The following PDE5A variants were observed in gnomAD, a reference collection of about 807,000 sequenced individuals.
PDE5A encodes the protein phosphodiesterase 5A, also known as cGMP-specific 3',5'-cyclic phosphodiesterase.
A neutral mutation model predicts 110.2 loss-of-function variants in PDE5A; 67 were observed. That is an observed-to-expected ratio of 0.61 (90% CI 0.50 to 0.75). The LOEUF (loss-of-function observed/expected upper bound fraction) is 0.75. Among genes scored for constraint, PDE5A ranks in the 30% least tolerant of loss-of-function variants. The pLI is 0.00. For missense variants in PDE5A, 862 were observed against 1,045.1 expected (o/e 0.82, Z 2.42); for synonymous variants, 328 against 351.2 (o/e 0.93, Z 0.74).
Position 119,565,333 on chromosome 4 carries a change from G to T in PDE5A, c.981C>A (p.Asn327Lys). 6.2e-7 allele frequency: 1 copy of T among 1,608,582 alleles called. No individual in the cohort carries two copies. The highest frequency in any genetic ancestry group is 8.5e-7 in the Non-Finnish European group (1 of 1,175,834). Reference protein sequence around the residue: ...AQLYETSLLENKRNQVLLDLA... With the variant: ...AQLYETSLLEKKRNQVLLDLA... Reference sequence around the variant, plus strand: ...TAATCAGACTGACCTGATTTCTCTTGTTCTCCAGCAGTGAAGTCTCATAGA... The same window carrying T: ...TAATCAGACTGACCTGATTTCTCTTTTTCTCCAGCAGTGAAGTCTCATAGA... The change falls in exon 5 of 21, where the codon AAC (asparagine) becomes AAA (lysine). Residue 327 changes from asparagine (N) to lysine (K), a missense_variant. Asn to Lys is a moderately conservative substitution (Grantham distance 94). Transcript: ENST00000354960.
chr4:119,606,786 G>T lies in PDE5A; in HGVS notation c.664C>A (p.Arg222Ser). 6.2e-7 allele frequency: 1 copy of T among 1,614,150 alleles called. No homozygotes were observed. The highest frequency in any genetic ancestry group is 8.5e-7 in the Non-Finnish European group (1 of 1,180,034). Residue 222 changes from arginine to serine, a missense_variant, in exon 2 of 21, where the codon CGC becomes AGC. Arg to Ser is a moderately radical substitution (Grantham distance 110). Transcript: ENST00000354960. ...ACAATGCCTTTGTTCCATTCTAAGC[G>T]GATACAGTTATTTGAAACTTCTTCC... is the stretch of plus-strand genomic sequence containing the variant. ...TLEEVSNNCI[R>S]LEWNKGIVGH...
At chr4:119,542,768 A>AC (rs909947168) in intron 9 of PDE5A, 134 bp from the exon 10 acceptor site, 2 of 714,386 alleles carry the variant, frequency 2.8e-6, no homozygotes, top group African/African-American at 3.6e-5. Context: ...AAGCAAATTA[A>AC]CCCCCACAAA....
intron 16 of PDE5A, 117 bp downstream of exon 16, chr4:119,507,487 G>A (rs1205237507): frequency 4.5e-6 from 3 of 668,032 alleles, no homozygotes; most frequent in Non-Finnish European, 7.6e-6. Flanking sequence ...TCCGTATTCT[G>A]ATAAGCAGTT....
Position 119,627,969 on chromosome 4 carries a change from A to C in PDE5A, c.152+551T>G. The C allele has an allele frequency of 1.2e-6, 1 of 838,846 alleles. No homozygotes were observed. The highest frequency in any genetic ancestry group is 1.4e-6 in the Non-Finnish European group (1 of 695,812). The allele number at this position is 838,846 out of a possible 1,614,324, so 52.0% of individuals were successfully genotyped here. On this transcript the variant is annotated intron_variant, in intron 1 of 20. Transcript: ENST00000354960. This position sits in a 1 kb window ranked among gnomAD's most constrained non-coding sequence, Gnocchi z 4.6. ...CGCGCGGGACAAGCAGGAGACTGGA[A>C]GGGGGGAAAAGGCAACCGCACTCAC...
rs1725173370 is a variant in PDE5A at position 119,498,588 on chromosome 4, T to C, written c.*13A>G. ...CATCTCTGTAAACTTCAACTCTGCA[T>C]GAAATAGGCCACTCAGTTCCGCTTG... On this transcript the variant is annotated 3_prime_UTR_variant, in exon 21 of 21. Coordinates refer to ENST00000354960, the MANE Select transcript of PDE5A (RefSeq NM_001083.4). 3 of 1,613,710 alleles carry C rather than the reference T, an allele frequency of 1.9e-6. No individual in the cohort carries two copies. The highest frequency in any genetic ancestry group is 2.7e-5 in the African/African-American group (2 of 74,918).
intron 10 of PDE5A, among the ~76,000 whole-genome samples, chr4:119,540,008 G>C (rs1366561538): frequency 6.6e-6 from 1 of 151,996 alleles, no homozygotes; most frequent in Non-Finnish European, 1.5e-5. Flanking sequence ...AACACTTCTG[G>C]TCTCAAGCAT....
At chr4:119,613,671 A>G (rs1412550441) in intron 1 of PDE5A, among the ~76,000 whole-genome samples, 1 of 152,120 alleles carries the variant, frequency 6.6e-6, no homozygotes, top group Non-Finnish European at 1.5e-5. Context: ...CTGGGTAATC[A>G]CTTCGATGGT....
intron 3 of PDE5A, among the ~76,000 whole-genome samples, chr4:119,585,210 G>T (rs1238543990): frequency 6.6e-6 from 1 of 151,868 alleles, no homozygotes; most frequent in African/African-American, 2.4e-5. Flanking sequence ...GGGAGATGGG[G>T]GTTGCAGTGA....
At chr4:119,508,622 A>C (rs1725636300) in intron 15 of PDE5A, among the ~76,000 whole-genome samples, 1 of 152,042 alleles carries the variant, frequency 6.6e-6, no homozygotes, top group African/African-American at 2.4e-5. Context: ...CATGGATCTA[A>C]TTAATGACAA....
chr4:119,577,052 T>C (rs2110517623), intron 3 of PDE5A, among the ~76,000 whole-genome samples: 1 of 152,220 alleles, frequency 6.6e-6, no homozygotes, highest in South Asian at 2.1e-4. Flanking sequence ...GAGACTACTA[T>C]AAACACCTCT....
At chr4:119,508,448 G>A (rs1293616569) in intron 15 of PDE5A, among the ~76,000 whole-genome samples, 3 of 151,944 alleles carry the variant, frequency 2.0e-5, no homozygotes. Flanking sequence ...TCTGTAAGTT[G>A]AGTCAGATGT....
chr4:119,502,882 A>C (rs1342305510), intron 18 of PDE5A, among the ~76,000 whole-genome samples: 2 of 151,920 alleles, frequency 1.3e-5, no homozygotes, highest in African/African-American at 4.8e-5. Context: ...GTAGCTTCCA[A>C]CATTTTTCCC....
At chr4:119,538,779 T>C (rs774852590) in intron 11 of PDE5A, 181 bp downstream of exon 11, 8 of 615,776 alleles carry the variant, frequency 1.3e-5, no homozygotes, top group Non-Finnish European at 2.3e-5. Flanking sequence ...TCATACACTA[T>C]ATTACACAGT....
rs115853114 is a variant in PDE5A, at chr4:119,590,028, A to G, written c.831+6495T>C. On this transcript the variant is annotated intron_variant, in intron 3 of 20. Coordinates refer to ENST00000354960, the MANE Select transcript of PDE5A (RefSeq NM_001083.4). ...GGGAAGCAGAGTGCAGCCATCATCC[A>G]TAGCAGACTTTTAAGAAATGCTCTT... 7.5e-3 allele frequency among the ~76,000 whole-genome samples: 1,137 copies of G among 152,308 alleles called. 19 individuals carry two copies. The highest frequency in any genetic ancestry group is 0.026 in the African/African-American group (1,076 of 41,556).
In PDE5A at chr4:119,525,726, G is replaced by C; in HGVS notation, c.1633-31C>G. Reference sequence around the variant, plus strand: ...GTAAGGAAAGAAGAAAAAAAAAAATGCTGTTAATTAAAGCAGCAGTGATTT... The same window carrying C: ...GTAAGGAAAGAAGAAAAAAAAAAATCCTGTTAATTAAAGCAGCAGTGATTT... On this transcript the variant is annotated intron_variant, in intron 11 of 20. Coordinates refer to ENST00000354960, the MANE Select transcript of PDE5A (RefSeq NM_001083.4). The surrounding 1 kb of genome is among the most constrained non-coding windows in gnomAD (Gnocchi z 4.3). 2 of 1,572,732 alleles carry C rather than the reference G, an allele frequency of 1.3e-6. No individual in the cohort carries two copies. Among genetic ancestry groups the C allele is most frequent in the South Asian group, 1.1e-5 (1 of 87,694 alleles).
chr4:119,595,489 T>C (rs1729121719), intron 3 of PDE5A, among the ~76,000 whole-genome samples: 1 of 152,168 alleles, frequency 6.6e-6, no homozygotes, highest in Admixed American at 6.5e-5. Context: ...GTGAAAAAGA[T>C]TCTCCCTCAC....
At chr4:119,517,076 C>A (rs1285958913) in intron 14 of PDE5A, 2 of 152,166 alleles carry the variant, frequency 1.3e-5, no homozygotes, top group Non-Finnish European at 2.9e-5. Context: ...CAAGGGGCAA[C>A]TTTCTATTGG....
At chr4:119,617,623 A>T (rs1462699750) in intron 1 of PDE5A, among the ~76,000 whole-genome samples, 1 of 152,200 alleles carries the variant, frequency 6.6e-6, no homozygotes, top group Non-Finnish European at 1.5e-5. Flanking sequence ...TTGACAAGGC[A>T]AAGTAAACTT....
At chr4:119,616,971 A>C (rs1037220041) in intron 1 of PDE5A, among the ~76,000 whole-genome samples, 1 of 152,216 alleles carries the variant, frequency 6.6e-6, no homozygotes, top group East Asian at 1.9e-4. Context: ...AATAGTGCCA[A>C]GTTAGTATTG....
Sources: gnomAD v4.1 joint callset for allele counts (sites outside exome capture counted in the v4.1 genomes callset) on GRCh38, gnomAD v4.1.1 for gene constraint, Gnocchi (gnomAD v3.1) non-coding constraint, MANE v1.5 for transcripts, NCBI Gene and HGNC (gene_info 2026-07-23, HGNC 2026-07-21) for gene names.